ATXN7L2: variants seen among roughly 807,000 people sequenced by gnomAD.
The protein encoded by ATXN7L2 is ataxin-7-like protein 2.
ATXN7L2 carries 17 observed loss-of-function variants against 59.6 expected under a neutral mutation model. That is an observed-to-expected ratio of 0.29 (90% CI 0.20 to 0.43). ATXN7L2 has a LOEUF of 0.43. Among genes scored for constraint, ATXN7L2 ranks in the 20% least tolerant of loss-of-function variants. The pLI is 1.00. For missense variants in ATXN7L2, 858 were observed against 1,008.9 expected, an observed-to-expected ratio of 0.85 and a Z score of 2.03; for synonymous variants, 378 against 392.5, an observed-to-expected ratio of 0.96 and a Z score of 0.44.
Position 109,491,855 on chromosome 1 carries a change from A to T in ATXN7L2, c.2250+138A>T. 8.0e-7 allele frequency: 1 copy of T among 1,242,916 alleles called. No individual in the cohort carries two copies. The highest frequency in any genetic ancestry group is 1.1e-6 in the Non-Finnish European group (1 of 924,188). 77.0% of individuals were successfully genotyped at this position (1,242,916 alleles called of 1,614,324 possible). ...AGAGAGTTCCTGGACTGTTTTCTTT[A>T]GGAAGAGGTAGGTCAGTTCTTAGCA... is the stretch of plus-strand genomic sequence containing the variant. On this transcript the variant is annotated intron_variant, in intron 10 of 10. Coordinates refer to ENST00000683729, the MANE Select transcript of ATXN7L2 (RefSeq NM_001350175.2). The surrounding 1 kb of genome is among the most constrained non-coding windows in gnomAD (Gnocchi z 4.1).
chr1:109,487,831 AG>A, intron 5 of ATXN7L2, 27 bp downstream of exon 5: 1 of 1,565,518 alleles, frequency 6.4e-7, no homozygotes, highest in Non-Finnish European at 8.6e-7. Flanking sequence ...TTGGGGGTCC[AG>A]AATGTAGAGT....
chr1:109,484,580 A>G (rs925108769), intron 1 of ATXN7L2, among the ~76,000 whole-genome samples: 2 of 149,608 alleles, frequency 1.3e-5, no homozygotes, highest in Non-Finnish European at 3.0e-5. Flanking sequence ...TCGTCCGTCC[A>G]TCCATCTATC....
Position 109,486,655 on chromosome 1 carries a change from G to A in ATXN7L2, c.298+45G>A. 6.5e-7 allele frequency: 1 copy of A among 1,526,882 alleles called. No homozygotes were observed. The highest frequency in any genetic ancestry group is 9.1e-7 in the Non-Finnish European group (1 of 1,103,288). The allele number at this position is 1,526,882 out of a possible 1,614,324, so 94.6% of individuals were successfully genotyped here. ...GGAGATAAAGGGACAGGGGAAGGTG[G>A]AGCATGGAACTCTGAGGACAGGGTC... is the stretch of plus-strand genomic sequence containing the variant. On this transcript the variant is annotated intron_variant, in intron 3 of 10. Transcript: ENST00000683729. The surrounding 1 kb of genome is among the most constrained non-coding windows in gnomAD (Gnocchi z 4.3).
chr1:109,484,207 G>A (rs1264792029), intron 1 of ATXN7L2, 127 bp downstream of exon 1: 1 of 1,010,830 alleles, frequency 9.9e-7, no homozygotes, highest in Non-Finnish European at 1.3e-6. Context: ...CCCAAACAAA[G>A]GACCCGCCGG....
Position 109,490,916 on chromosome 1 carries a change from C to T in ATXN7L2, c.1455-6C>T. ...CAGTCACAGTGGGGCTTTCTTTTTG[C>T]TGCAGGAAGATCCCACCGGCAGCTG... is the stretch of plus-strand genomic sequence containing the variant. On this transcript the variant is annotated splice_region_variant and splice_polypyrimidine_tract_variant and intron_variant, in intron 9 of 10. Coordinates refer to ENST00000683729, the MANE Select transcript of ATXN7L2 (RefSeq NM_001350175.2). The T allele has an allele frequency of 6.5e-7, 1 of 1,541,564 alleles. No individual in the cohort carries two copies. Among genetic ancestry groups the T allele is most frequent in the Non-Finnish European group, 8.7e-7 (1 of 1,144,152 alleles).
rs753874481 is a variant in ATXN7L2 at position 109,487,793 on chromosome 1, G to A, written c.785G>A (p.Arg262Gln). The part of the protein sequence containing the change: ...SGTRLPPKTH[R>Q]KMARKECDLN... ...ACCAGGCTGCCCCCTAAAACCCACC[G>A]GAAGATGGCTCGTGAGTAGTTGTGG... The change falls in exon 5 of 11, where the codon CGG becomes CAG. Residue 262 changes from arginine to glutamine, a missense_variant. Coordinates refer to ENST00000683729, the MANE Select transcript of ATXN7L2 (RefSeq NM_001350175.2). The A allele has an allele frequency of 1.0e-5, 16 of 1,596,460 alleles. No homozygotes were observed. The highest frequency in any genetic ancestry group is 5.4e-5 in the Admixed American group (3 of 55,864).
chr1:109,491,011 C>G lies in ATXN7L2; in HGVS notation c.1544C>G (p.Pro515Arg), dbSNP rs1490511468. ...PLSPSSTGTCPRLPGPTLRPA... is the reference protein window; with the variant it reads ...PLSPSSTGTCRRLPGPTLRPA... ...AGCCCATCCTCTACAGGCACCTGCC[C>G]CCGCCTTCCAGGTCCAACCCTGAGA... The change falls in exon 10 of 11, where the codon CCC (proline) becomes CGC (arginine). Residue 515 changes from proline (P) to arginine (R), a missense_variant. By Grantham distance (103) the Pro-to-Arg change is moderately radical. Around this residue, in one of 3 missense-constraint regions of ATXN7L2, gnomAD observed 734 missense variants for 862.3 expected, o/e 0.85. Transcript: ENST00000683729. The surrounding 1 kb of genome is among the most constrained non-coding windows in gnomAD (Gnocchi z 4.1). 6.2e-7 allele frequency: 1 copy of G among 1,613,562 alleles called. No homozygotes were observed. The highest frequency in any genetic ancestry group is 8.5e-7 in the Non-Finnish European group (1 of 1,179,902).
Position 109,488,743 on chromosome 1 carries a change from CT to C in ATXN7L2, c.880-103del. The C allele has an allele frequency of 2.1e-6, 3 of 1,396,118 alleles. No homozygotes were observed. In the South Asian group the frequency reaches 4.0e-5, roughly 19 times the overall value. 86.5% of individuals were successfully genotyped at this position (1,396,118 alleles called of 1,614,324 possible). On this transcript the variant is annotated intron_variant, in intron 6 of 10. Transcript: ENST00000683729. The surrounding 1 kb of genome is among the most constrained non-coding windows in gnomAD (Gnocchi z 5.0). Reference sequence around the variant, plus strand: ...TGAACACAGCTGCAAATATGCCCACCTCTCTCCCTGCCCCCCAACTTGCCCG... The same window carrying C: ...TGAACACAGCTGCAAATATGCCCACCCTCTCCCTGCCCCCCAACTTGCCCG...
Position 109,491,837 on chromosome 1 carries a change from T to A in ATXN7L2, c.2250+120T>A, listed in dbSNP as rs564412432. ...GGGAGGAAGGGGAAGTTGAGAGAGT[T>A]CCTGGACTGTTTTCTTTAGGAAGAG... On this transcript the variant is annotated intron_variant, in intron 10 of 10. Transcript: ENST00000683729. The surrounding 1 kb of genome is among the most constrained non-coding windows in gnomAD (Gnocchi z 4.1). The A allele has an allele frequency of 4.5e-5, 59 of 1,300,110 alleles. 1 individual carries two copies. In the African/African-American group the frequency reaches 7.2e-4, roughly 16 times the overall value. 80.5% of individuals were successfully genotyped at this position (1,300,110 alleles called of 1,614,324 possible).
chr1:109,491,787 C>A lies in ATXN7L2; in HGVS notation c.2250+70C>A. On this transcript the variant is annotated intron_variant, in intron 10 of 10. Coordinates refer to ENST00000683729, the MANE Select transcript of ATXN7L2 (RefSeq NM_001350175.2). The surrounding 1 kb of genome is among the most constrained non-coding windows in gnomAD (Gnocchi z 4.1). ...GGGGGTACCTGATACAGAGAAGATG[C>A]TACATTGGTGTTTGTGCAGGGAAAG... 1 of 1,442,978 alleles carries A rather than the reference C, an allele frequency of 6.9e-7. No homozygotes were observed. Among genetic ancestry groups the A allele is most frequent in the Non-Finnish European group, 9.2e-7 (1 of 1,084,822 alleles). The allele number at this position is 1,442,978 out of a possible 1,614,324, so 89.4% of individuals were successfully genotyped here.
At position 109,491,645 on chromosome 1, in the gene ATXN7L2, T is replaced by C; in HGVS notation, c.2178T>C (p.Asp726=). The change falls in exon 10 of 11, where the codon GAT becomes GAC. Residue 726 remains aspartate, a synonymous_variant. Transcript: ENST00000683729. This position sits in a 1 kb window ranked among gnomAD's most constrained non-coding sequence, Gnocchi z 4.1. ...AKHCQAGAPA[D]VACSVRRKKP... is the part of the protein sequence containing the mutation. The stretch of plus-strand genomic sequence containing the variant: ...ACTGTCAGGCTGGTGCCCCTGCTGA[T>C]GTGGCCTGCTCTGTGCGCCGCAAGA... 6.2e-7 allele frequency: 1 copy of C among 1,613,050 alleles called. No individual in the cohort carries two copies. Among genetic ancestry groups the C allele is most frequent in the Non-Finnish European group, 8.5e-7 (1 of 1,179,930 alleles).
chr1:109,489,862 T>C, intron 7 of ATXN7L2, 68 bp from the exon 8 acceptor site: 1 of 1,570,512 alleles, frequency 6.4e-7, no homozygotes, highest in South Asian at 1.1e-5. Flanking sequence ...GCTCGGCAGG[T>C]TCAAGGATGC....
rs1426432472 is a variant in ATXN7L2, at chr1:109,486,236, A to G, written c.193+114A>G. ...TTGAAGCAGCTGTCTGGGGACCCTC[A>G]TTTTGATAGGTCCGAGTCGGCCGGT... On this transcript the variant is annotated intron_variant, in intron 2 of 10. Coordinates refer to ENST00000683729, the MANE Select transcript of ATXN7L2 (RefSeq NM_001350175.2). This position sits in a 1 kb window ranked among gnomAD's most constrained non-coding sequence, Gnocchi z 4.3. 10 of 1,442,858 alleles carry G rather than the reference A, an allele frequency of 6.9e-6. No individual in the cohort carries two copies. The South Asian group carries it at 1.5e-4, about 21-fold the overall frequency. The allele number at this position is 1,442,858 out of a possible 1,614,324, so 89.4% of individuals were successfully genotyped here.
chr1:109,492,044 G>A, intron 10 of ATXN7L2: 5 of 1,124,136 alleles, frequency 4.4e-6, no homozygotes, highest in Non-Finnish European at 5.5e-6. Flanking sequence ...AGCTACCTCT[G>A]TTCCCTGAAG....
rs779137740 is a variant in ATXN7L2, at chr1:109,487,684, G to A, written c.676G>A (p.Gly226Ser). The A allele has an allele frequency of 6.2e-7, 1 of 1,613,398 alleles. No homozygotes were observed. Among genetic ancestry groups the A allele is most frequent in the Non-Finnish European group, 8.5e-7 (1 of 1,179,692 alleles). The change falls in exon 5 of 11, where the codon GGC becomes AGC. Residue 226 changes from glycine to serine, a missense_variant. By Grantham distance (56) the Gly-to-Ser change is moderately conservative. Transcript: ENST00000683729. ...GGCTCCCCCTTCTAAAGAACCTCCT[G>A]GCAGAGAGAACATCGAGATCATCCC... Reference protein sequence around the residue: ...PMAPPSKEPPGRENIEIIPSE... With the variant: ...PMAPPSKEPPSRENIEIIPSE...
At position 109,487,298 on chromosome 1, in the gene ATXN7L2, G is replaced by A. The variant is rs868523408; in HGVS notation, c.509+81G>A. 83 of 1,345,060 alleles carry A rather than the reference G, an allele frequency of 6.2e-5. No individual in the cohort carries two copies. In the Middle Eastern group the frequency reaches 1.6e-3, roughly 25 times the overall value. 83.3% of individuals were successfully genotyped at this position (1,345,060 alleles called of 1,614,324 possible). On this transcript the variant is annotated intron_variant, in intron 4 of 10. Transcript: ENST00000683729. ...GCTGACATCAATACAGACAGCCCTG[G>A]GTCAAGGCATACTCCTCACAGCAGG...
In ATXN7L2 at chr1:109,487,179, C is replaced by T. The variant is rs899113772; in HGVS notation, c.471C>T (p.Gly157=). ...AGGGCCAGGGGTCCCGGAGCCGTGG[C>T]CACCAGCCTCCTGAGAAGACCCAGA... ...REKGQGSRSR[G]HQPPEKTQKD... Residue 157 remains glycine (G), a synonymous_variant, in exon 4 of 11, where the codon GGC becomes GGT. Coordinates refer to ENST00000683729, the MANE Select transcript of ATXN7L2 (RefSeq NM_001350175.2). 1.9e-6 allele frequency: 3 copies of T among 1,590,370 alleles called. No individual in the cohort carries two copies. The highest frequency in any genetic ancestry group is 1.8e-5 in the Admixed American group (1 of 56,032).
Position 109,489,117 on chromosome 1 carries a change from A to G in ATXN7L2, c.1133+17A>G, listed in dbSNP as rs752668234. 1 of 1,600,390 alleles carries G rather than the reference A, an allele frequency of 6.2e-7. No individual in the cohort carries two copies. Among genetic ancestry groups the G allele is most frequent in the Admixed American group, 1.7e-5 (1 of 59,336 alleles). On this transcript the variant is annotated intron_variant, in intron 7 of 10. Transcript: ENST00000683729. ...ACTGCCCAGGTACGTCTAGAATCCA[A>G]CCCCTACCTCACCTGGGGGTACTTG...
chr1:109,492,633 C>T lies in ATXN7L2; in HGVS notation c.*33C>T. On this transcript the variant is annotated 3_prime_UTR_variant, in exon 11 of 11. Transcript: ENST00000683729. ...GTGCCTGCCCACTGCAACGGAGCCG[C>T]CAGCACCTCCTCCCCTCCAGATCCG... 2 of 1,612,466 alleles carry T rather than the reference C, an allele frequency of 1.2e-6. No homozygotes were observed. The highest frequency in any genetic ancestry group is 1.3e-5 in the African/African-American group (1 of 74,980).
Sources: gnomAD v4.1 joint callset for allele counts (sites outside exome capture counted in the v4.1 genomes callset) on GRCh38, gnomAD v4.1.1 for gene constraint, gnomAD v4.1.1 regional missense constraint, Gnocchi (gnomAD v3.1) non-coding constraint, MANE v1.5 for transcripts, NCBI Gene and HGNC (gene_info 2026-07-23, HGNC 2026-07-21) for gene names.